Variants in GTF2F2 observed in about 807,000 individuals in gnomAD.
The protein encoded by GTF2F2 is general transcription factor IIF subunit 2.
A neutral mutation model predicts 42.2 loss-of-function variants in GTF2F2; 23 were observed. The observed-to-expected ratio is 0.55, with a 90% CI of 0.39 to 0.77. The LOEUF is 0.77. GTF2F2 is among the 30% of genes least tolerant of loss of function. The pLI, the probability that GTF2F2 is intolerant of heterozygous loss-of-function variation, is 0.00. For synonymous variants in GTF2F2, 105 were observed against 100.8 expected (o/e 1.04, Z -0.25); for missense variants, 261 against 287.2 (o/e 0.91, Z 0.66).
chr13:45,249,408 T>TA (rs986173430), intron 5 of GTF2F2, among the ~76,000 whole-genome samples: 1 of 152,172 alleles, frequency 6.6e-6, no homozygotes, highest in African/African-American at 2.4e-5. Context: ...TTCCTTTATG[T>TA]AAAAGGTTAA....
intron 2 of GTF2F2, among the ~76,000 whole-genome samples, chr13:45,142,164 T>C (rs139858701): frequency 2.1e-3 from 316 of 152,276 alleles, no homozygotes; most frequent in African/African-American, 7.4e-3. Flanking sequence ...GAAGAAAAAG[T>C]AAGCCCACCA....
chr13:45,182,339 C>T (rs1156934121), intron 4 of GTF2F2, among the ~76,000 whole-genome samples: 1 of 152,004 alleles, frequency 6.6e-6, no homozygotes, highest in East Asian at 1.9e-4. Flanking sequence ...TCAGGTGATC[C>T]ACCTGCCTCG....
At chr13:45,125,830 T>C (rs7991856) in intron 1 of GTF2F2, among the ~76,000 whole-genome samples, 38,896 of 152,032 alleles carry the variant, frequency 0.26, 5,742 homozygotes, top group African/African-American at 0.39. Flanking sequence ...GGGATCAGCA[T>C]GTATGGAAGG....
At chr13:45,193,488 A>G (rs1421941174) in intron 4 of GTF2F2, 1 of 268,336 alleles carries the variant, frequency 3.7e-6, no homozygotes. Context: ...TACCCAAGAC[A>G]ATCTGAATTG....
chr13:45,211,336 C>G (rs539123623), intron 5 of GTF2F2, among the ~76,000 whole-genome samples: 1 of 150,292 alleles, frequency 6.7e-6, no homozygotes, highest in South Asian at 2.1e-4. Flanking sequence ...TTACAATTAC[C>G]CAACATTATC....
chr13:45,174,218 C>G (rs1871749035), intron 4 of GTF2F2, among the ~76,000 whole-genome samples: 1 of 151,988 alleles, frequency 6.6e-6, no homozygotes, highest in South Asian at 2.1e-4. Flanking sequence ...GGGATTAATG[C>G]CCAAGAGTGC....
chr13:45,121,105 TGTACA>T lies in GTF2F2; in HGVS notation c.66+387_66+391del, dbSNP rs1196826227. On this transcript the variant is annotated intron_variant, in intron 1 of 7. Coordinates refer to ENST00000340473, the MANE Select transcript of GTF2F2 (RefSeq NM_004128.3). ...GTGAGGTAGTTGAATGTCTACTTTCTGTACAGTTTTCTCGGCCAGAAAGTAGGACT... is the reference window on the plus strand; with the variant it reads ...GTGAGGTAGTTGAATGTCTACTTTCTGTTTTCTCGGCCAGAAAGTAGGACT... Among the ~76,000 whole-genome samples the T allele has an allele frequency of 5.3e-5, 8 of 152,358 alleles. No individual in the cohort carries two copies. In the East Asian group the frequency reaches 1.5e-3, roughly 29 times the overall value.
intron 6 of GTF2F2, among the ~76,000 whole-genome samples, chr13:45,261,243 G>A (rs918174705): frequency 1.3e-5 from 2 of 151,848 alleles, no homozygotes; most frequent in African/African-American, 2.4e-5. Flanking sequence ...TGGCTAACAC[G>A]GTGAAACCCT....
intron 4 of GTF2F2, among the ~76,000 whole-genome samples, chr13:45,162,468 G>C (rs940973314): frequency 6.6e-5 from 10 of 152,186 alleles, no homozygotes; most frequent in Admixed American, 5.9e-4. Context: ...TATGAGTTTA[G>C]TGTTTATTTC....
intron 5 of GTF2F2, among the ~76,000 whole-genome samples, chr13:45,216,521 G>GT (rs1873895989): frequency 1.3e-5 from 2 of 151,568 alleles, no homozygotes; most frequent in African/African-American, 4.8e-5. Flanking sequence ...TTGTTTTTTT[G>GT]TTTTTTTGTT....
intron 7 of GTF2F2, among the ~76,000 whole-genome samples, chr13:45,278,432 T>C (rs1275025659): frequency 6.6e-6 from 1 of 152,208 alleles, no homozygotes; most frequent in Non-Finnish European, 1.5e-5. Flanking sequence ...ATCCTTTTGA[T>C]GAAGAATTGC....
At chr13:45,195,629 C>G (rs1202893698) in intron 4 of GTF2F2, among the ~76,000 whole-genome samples, 1 of 152,118 alleles carries the variant, frequency 6.6e-6, no homozygotes, top group African/African-American at 2.4e-5. Context: ...TGATGTCACC[C>G]TCCACTTCTC....
intron 5 of GTF2F2, among the ~76,000 whole-genome samples, chr13:45,233,418 A>T (rs1593506897): frequency 6.6e-6 from 1 of 152,152 alleles, no homozygotes; most frequent in Admixed American, 6.5e-5. Flanking sequence ...GTTCATTCCG[A>T]TATGTATGTT....
intron 4 of GTF2F2, among the ~76,000 whole-genome samples, chr13:45,184,622 T>G (rs1231229151): frequency 6.6e-6 from 1 of 152,100 alleles, no homozygotes; most frequent in Non-Finnish European, 1.5e-5. Context: ...AACACCACTG[T>G]TTGATGCATA....
At chr13:45,240,086 G>A (rs182063096) in intron 5 of GTF2F2, among the ~76,000 whole-genome samples, 63 of 118,682 alleles carry the variant, frequency 5.3e-4, no homozygotes, top group Admixed American at 5.2e-3. Context: ...TCCAATTTCT[G>A]TATTATGTAG....
At chr13:45,199,260 A>G (rs546130110) in intron 4 of GTF2F2, among the ~76,000 whole-genome samples, 2 of 152,372 alleles carry the variant, frequency 1.3e-5, no homozygotes, top group Admixed American at 1.3e-4. Context: ...TAAATGTTTT[A>G]GCTTCATTTG....
chr13:45,205,051 C>T (rs982485328), intron 4 of GTF2F2, among the ~76,000 whole-genome samples: 3 of 152,122 alleles, frequency 2.0e-5, no homozygotes, highest in African/African-American at 7.2e-5. Context: ...TTAAATTCAG[C>T]CTGTCCACCT....
chr13:45,245,548 G>A lies in GTF2F2; in HGVS notation c.387-7323G>A, dbSNP rs140404214. On this transcript the variant is annotated intron_variant, in intron 5 of 7. Coordinates refer to ENST00000340473, the MANE Select transcript of GTF2F2 (RefSeq NM_004128.3). ...CCACTTACAAGTGAGAACATACAAT[G>A]TTTGGTTTCCCATTCTTGAGATACT... 3.9e-3 allele frequency among the ~76,000 whole-genome samples: 594 copies of A among 151,796 alleles called. 7 individuals carry two copies. Among genetic ancestry groups the A allele is most frequent in the African/African-American group, 0.014 (576 of 41,436 alleles).
intron 7 of GTF2F2, among the ~76,000 whole-genome samples, chr13:45,283,227 C>T (rs958772947): frequency 6.6e-6 from 1 of 152,032 alleles, no homozygotes; most frequent in Non-Finnish European, 1.5e-5. Flanking sequence ...CTTTCAACTC[C>T]TTTAATGCAC....
Sources: allele counts gnomAD v4.1 joint callset (sites outside exome capture counted in the v4.1 genomes callset), GRCh38; gene constraint gnomAD v4.1.1; transcripts MANE v1.5; gene names NCBI Gene and HGNC (gene_info 2026-07-23, HGNC 2026-07-21).